Variants in MAP7D3 observed in about 807,000 individuals in gnomAD.
The protein encoded by MAP7D3 is MAP7 domain containing 3.
A neutral mutation model predicts 62.2 loss-of-function variants in MAP7D3; 45 were observed. The ratio of observed to expected loss-of-function variants is 0.72; its 90% CI spans 0.57 to 0.93. The LOEUF is 0.93. Ranked by LOEUF, MAP7D3 falls within the 40% of genes least tolerant of loss-of-function variation. The pLI, the probability that MAP7D3 is intolerant of heterozygous loss-of-function variation, is 0.00. For synonymous variants in MAP7D3, 288 were observed against 248.8 expected, an observed-to-expected ratio of 1.16 and a Z score of -1.48; for missense variants, 711 against 683.1, an observed-to-expected ratio of 1.04 and a Z score of -0.45.
intron 1 of MAP7D3, among the ~76,000 whole-genome samples, chrX:136,249,089 T>C (rs1471693133): frequency 1.8e-5 from 2 of 111,802 alleles, no homozygotes; most frequent in Admixed American, 1.9e-4. Context: ...GACAATTTTC[T>C]ACCATTTAGA....
chrX:136,236,177 A>G, intron 7 of MAP7D3, 67 bp downstream of exon 7: 1 of 685,752 alleles, frequency 1.5e-6, no homozygotes, highest in South Asian at 3.0e-5. Flanking sequence ...TTTTCAAGCA[A>G]TTCAATGTTG....
chrX:136,218,215 G>A lies in MAP7D3; in HGVS notation c.*311C>T, dbSNP rs1165984922. The A allele has an allele frequency of 8.9e-6, 1 of 112,021 alleles. No individual in the cohort carries two copies. The highest frequency in any genetic ancestry group is 3.2e-5 in the African/African-American group (1 of 30,877). 9.2% of individuals were successfully genotyped at this position (112,021 alleles called of 1,213,427 possible). A position where few individuals can be genotyped will look rare whatever the true frequency, so the allele number is the denominator to read the frequency against. ...CACTCACTCCAGCAAACACATTGGT[G>A]GGACAACACAAGAATGAGAGACAAT... is the stretch of plus-strand genomic sequence containing the variant. On this transcript the variant is annotated 3_prime_UTR_variant, in exon 19 of 19. Transcript: ENST00000316077.
chrX:136,221,310 C>T (rs1393862897), intron 15 of MAP7D3, among the ~76,000 whole-genome samples: 1 of 111,969 alleles, frequency 8.9e-6, no homozygotes, highest in African/African-American at 3.2e-5. Context: ...TCTGTTTGTG[C>T]ATTTCGTCTT....
In MAP7D3 at chrX:136,241,091, C is replaced by T. The variant is rs2074384467; in HGVS notation, c.535+69G>A. ...ACTAAAATCTTGCTGTAAATGCAAG[C>T]TTCTACTCATAGCCAATATTTAAAC... On this transcript the variant is annotated intron_variant, in intron 5 of 18. Transcript: ENST00000316077. 2.0e-5 allele frequency: 12 copies of T among 611,537 alleles called. No individual in the cohort carries two copies. The South Asian group carries it at 2.7e-4, about 14-fold the overall frequency. 50.4% of individuals were successfully genotyped at this position (611,537 alleles called of 1,213,427 possible). A position where few individuals can be genotyped will look rare whatever the true frequency, so the allele number is the denominator to read the frequency against.
intron 18 of MAP7D3, 36 bp downstream of exon 18, chrX:136,219,362 C>A (rs774528185): frequency 3.4e-6 from 3 of 891,699 alleles, no homozygotes; most frequent in Non-Finnish European, 4.8e-6. Context: ...GGGTCAATTG[C>A]CTTTCAAGAA....
upstream of MAP7D3, chrX:136,251,438 C>A (rs1227047903): frequency 1.2e-5 from 8 of 656,366 alleles, no homozygotes; most frequent in Non-Finnish European, 1.4e-5. Context: ...GGGTCGTGGC[C>A]GGGCTGCCGG....
upstream of MAP7D3, chrX:136,251,478 C>CGGGGCGGGGT: frequency 3.4e-6 from 1 of 290,018 alleles, no homozygotes; most frequent in Non-Finnish European, 4.6e-6. Flanking sequence ...CGGGGCGGGG[C>CGGGGCGGGGT]GGGGCCCGAA....
rs749663860 is a variant in MAP7D3 at position 136,232,008 on chromosome X, T to C, written c.949A>G (p.Thr317Ala). ...PQVNVEVFCN[T>A]SMEASPKAGV... Reference sequence around the variant, plus strand: ...GCCTTGGGGGACGCTTCCATGCTTGTGTTGCAGAATACTTCCACATTCACC... The same window carrying C: ...GCCTTGGGGGACGCTTCCATGCTTGCGTTGCAGAATACTTCCACATTCACC... Residue 317 changes from threonine (T) to alanine (A), a missense_variant, in exon 8 of 19, where the codon ACA (threonine) becomes GCA (alanine). Transcript: ENST00000316077. 2 of 1,209,427 alleles carry C rather than the reference T, an allele frequency of 1.7e-6. No homozygotes were observed. The highest frequency in any genetic ancestry group is 3.5e-5 in the African/African-American group (2 of 57,122).
At chrX:136,219,734 A>C (rs746120351) in intron 16 of MAP7D3, 63 bp from the exon 17 acceptor site, 4 of 864,809 alleles carry the variant, frequency 4.6e-6, no homozygotes, top group South Asian at 4.0e-5. Flanking sequence ...GGCCTAAAAG[A>C]AGCTTTGTCC....
At chrX:136,215,447 G>C (rs965728230), downstream of MAP7D3, among the ~76,000 whole-genome samples, 1 of 111,965 alleles carries the variant, frequency 8.9e-6, no homozygotes, top group African/African-American at 3.2e-5. Flanking sequence ...AATGTCTGAC[G>C]GTCTGTCACT....
chrX:136,246,602 T>C (rs1490718164), intron 1 of MAP7D3, among the ~76,000 whole-genome samples: 1 of 112,009 alleles, frequency 8.9e-6, no homozygotes, highest in Admixed American at 9.5e-5. Flanking sequence ...TTAGTGGCGG[T>C]GGCAGCATAA....
In MAP7D3 at chrX:136,219,440, A is replaced by C. The variant is rs1443724662; in HGVS notation, c.2621T>G (p.Phe874Cys). The C allele has an allele frequency of 1.7e-6, 2 of 1,201,380 alleles. No individual in the cohort carries two copies. The highest frequency in any genetic ancestry group is 3.5e-5 in the African/African-American group (2 of 57,145). ...HDILPKSSDTFRQ is the reference protein window; with the variant it reads ...HDILPKSSDTCRQ ...GGTTTGCTTCTTCTCTTATTGTCTA[A>C]AGGTGTCTGAGGACTTTGGCAAGAT... Residue 874 changes from phenylalanine to cysteine, a missense_variant, in exon 18 of 19, where the codon TTT becomes TGT. Phe to Cys is a radical substitution (Grantham distance 205, BLOSUM62 -2). Transcript: ENST00000316077.
chrX:136,230,637 C>T (rs758897185), intron 9 of MAP7D3, 44 bp from the exon 10 acceptor site: 1 of 973,553 alleles, frequency 1.0e-6, no homozygotes, highest in Non-Finnish European at 1.4e-6. Context: ...TTTCAGTGTA[C>T]AATTTCATAA....
chrX:136,238,320 A>G (rs1260841213), intron 6 of MAP7D3, among the ~76,000 whole-genome samples: 1 of 112,114 alleles, frequency 8.9e-6, no homozygotes, highest in Non-Finnish European at 1.9e-5. Flanking sequence ...ATGTCTCATT[A>G]ATAAGGCTTT....
intron 15 of MAP7D3, among the ~76,000 whole-genome samples, 158 bp from the exon 16 acceptor site, chrX:136,221,121 CAG>C (rs968822472): frequency 4.6e-4 from 51 of 111,363 alleles, no homozygotes; most frequent in African/African-American, 1.6e-3. Context: ...CCAGCAGTCA[CAG>C]AGTTTCCCAA....
chrX:136,246,646 G>C (rs1051585939), intron 1 of MAP7D3, among the ~76,000 whole-genome samples: 4 of 112,072 alleles, frequency 3.6e-5, no homozygotes, highest in African/African-American at 1.3e-4. Flanking sequence ...TGATTAATAG[G>C]TTTTAAAAAT....
downstream of MAP7D3, chrX:136,213,627 CA>C (rs2074044420): frequency 9.0e-6 from 1 of 111,603 alleles, no homozygotes; most frequent in Non-Finnish European, 1.9e-5. Flanking sequence ...GCACCAAAGA[CA>C]CTGCTCTGGT....
chrX:136,251,663 A>T, upstream of MAP7D3: 1 of 432,534 alleles, frequency 2.3e-6, no homozygotes. Flanking sequence ...GGCCCCCCCA[A>T]CATTCCTTTC....
chrX:136,224,399 C>CAA (rs775005222), intron 14 of MAP7D3, among the ~76,000 whole-genome samples: 6 of 58,311 alleles, frequency 1.0e-4, no homozygotes, highest in Non-Finnish European at 2.0e-4. Context: ...GACTCTGTCT[C>CAA]AAAAAAAAAA....
Sources: gnomAD v4.1 joint callset for allele counts (sites outside exome capture counted in the v4.1 genomes callset) on GRCh38, gnomAD v4.1.1 for gene constraint, MANE v1.5 for transcripts, NCBI Gene and HGNC (gene_info 2026-07-23, HGNC 2026-07-21) for gene names.